NAA15: variants seen among roughly 807,000 people sequenced by gnomAD.
The protein encoded by NAA15 is N-terminal acetyltransferase.
NAA15 carries 34 observed loss-of-function variants against 114.0 expected under a neutral mutation model. That is an observed-to-expected ratio of 0.30 (90% CI 0.23 to 0.40). The LOEUF is 0.40. NAA15 is among the 10% of genes least tolerant of loss of function. NAA15 has a pLI of 1.00. For missense variants in NAA15, 658 were observed against 1,004.5 expected (o/e 0.66, Z 4.66); for synonymous variants, 340 against 338.0 (o/e 1.01, Z -0.06).
chr4:139,363,041 GGTCACATACTGAA>G (rs1748178320), intron 14 of NAA15, among the ~76,000 whole-genome samples: 1 of 152,116 alleles, frequency 6.6e-6, no homozygotes, highest in Admixed American at 6.5e-5. Flanking sequence ...AAATTTCTAA[GGTCACATACTGAA>G]GCCTTTGTAC....
Position 139,318,219 on chromosome 4 carries a change from T to C in NAA15, c.55-15955T>C, listed in dbSNP as rs537926790. ...CTTTTTTATTCTGAGACTGAGTATT[T>C]ATTACCTTTATAATATTAAGATGCT... On this transcript the variant is annotated intron_variant, in intron 1 of 19. Coordinates refer to ENST00000296543, the MANE Select transcript of NAA15 (RefSeq NM_057175.5). 6.2e-4 allele frequency among the ~76,000 whole-genome samples: 95 copies of C among 152,330 alleles called. 1 individual carries two copies. Among genetic ancestry groups the C allele is most frequent in the Non-Finnish European group, 1.2e-3 (80 of 68,022 alleles).
chr4:139,379,959 C>A (rs139839262), intron 17 of NAA15, among the ~76,000 whole-genome samples: 1 of 152,124 alleles, frequency 6.6e-6, no homozygotes, highest in Non-Finnish European at 1.5e-5. Context: ...GCAGGAGAAT[C>A]GCTTGAACTT....
intron 1 of NAA15, among the ~76,000 whole-genome samples, chr4:139,323,366 G>A (rs1579092487): frequency 6.6e-6 from 1 of 152,056 alleles, no homozygotes; most frequent in Admixed American, 6.5e-5. Context: ...GCTAATTTTT[G>A]TATTTTTAGT....
At chr4:139,330,087 C>CCAT (rs1746951971) in intron 1 of NAA15, among the ~76,000 whole-genome samples, 1 of 152,176 alleles carries the variant, frequency 6.6e-6, no homozygotes, top group Admixed American at 6.5e-5. Flanking sequence ...TTCACCTACT[C>CCAT]CATCATGCCA....
At chr4:139,338,367 C>T (rs1046468788) in intron 3 of NAA15, among the ~76,000 whole-genome samples, 2 of 152,096 alleles carry the variant, frequency 1.3e-5, no homozygotes, top group African/African-American at 2.4e-5. Context: ...AATATTTTGA[C>T]TTGCTTTAAA....
intron 1 of NAA15, among the ~76,000 whole-genome samples, chr4:139,312,270 A>T (rs1746249038): frequency 6.6e-6 from 1 of 151,980 alleles, no homozygotes; most frequent in Admixed American, 6.6e-5. Flanking sequence ...GCTTAAATTC[A>T]GTAATAGTTC....
intron 1 of NAA15, among the ~76,000 whole-genome samples, chr4:139,310,161 A>G (rs895051714): frequency 6.6e-6 from 1 of 152,194 alleles, no homozygotes; most frequent in African/African-American, 2.4e-5. Context: ...TTTCTTCATA[A>G]AAACATTTTT....
In NAA15 at chr4:139,301,646, A is replaced by G; in HGVS notation, c.-132A>G. ...TGTCCGGGTAGGGCAACGCGGCGAC[A>G]CCCGAGGCCTGGTGGTGGCGGCGGA... On this transcript the variant is annotated 5_prime_UTR_variant, in exon 1 of 20. Transcript: ENST00000296543. 6 of 1,043,690 alleles carry G rather than the reference A, an allele frequency of 5.7e-6. No homozygotes were observed. Among genetic ancestry groups the G allele is most frequent in the Non-Finnish European group, 8.3e-6 (6 of 720,914 alleles). The allele number at this position is 1,043,690 out of a possible 1,614,324, so 64.7% of individuals were successfully genotyped here. A position where few individuals can be genotyped will look rare whatever the true frequency, so the allele number is the denominator to read the frequency against.
chr4:139,304,426 C>T (rs770452115), intron 1 of NAA15, among the ~76,000 whole-genome samples: 8 of 152,328 alleles, frequency 5.3e-5, no homozygotes, highest in East Asian at 1.9e-4. Flanking sequence ...TGAGTGCTCG[C>T]GCACGCGGGT....
At chr4:139,370,553 A>C in intron 15 of NAA15, 149 bp downstream of exon 15, 1 of 677,394 alleles carries the variant, frequency 1.5e-6, no homozygotes, top group South Asian at 5.8e-5. Context: ...TCTTTCTTTA[A>C]TATTTTGTTT....
chr4:139,379,110 C>A (rs1748669954), intron 17 of NAA15: 2 of 282,860 alleles, frequency 7.1e-6, no homozygotes, highest in Non-Finnish European at 1.3e-5. Flanking sequence ...TAAAAAGTTA[C>A]ATGTAAGTTG....
At chr4:139,372,397 A>G (rs758497808) in intron 15 of NAA15, among the ~76,000 whole-genome samples, 60 of 152,202 alleles carry the variant, frequency 3.9e-4, no homozygotes, top group Non-Finnish European at 6.8e-4. Flanking sequence ...ATTTGTAGCC[A>G]TGATTGTAGA....
intron 1 of NAA15, among the ~76,000 whole-genome samples, chr4:139,327,389 A>C (rs922570221): frequency 6.6e-5 from 10 of 152,202 alleles, no homozygotes; most frequent in Non-Finnish European, 1.5e-4. Flanking sequence ...AGCTGGGACT[A>C]CAGGCGTGCG....
At chr4:139,339,923 G>T (rs531844181) in intron 3 of NAA15, among the ~76,000 whole-genome samples, 7 of 152,296 alleles carry the variant, frequency 4.6e-5, no homozygotes, top group African/African-American at 1.7e-4. Flanking sequence ...CTCCTTGATA[G>T]CAGTTTTTAC....
At chr4:139,369,827 A>G (rs1240626225) in intron 14 of NAA15, among the ~76,000 whole-genome samples, 3 of 151,698 alleles carry the variant, frequency 2.0e-5, no homozygotes, top group African/African-American at 2.4e-5. Flanking sequence ...TTTTTGAGAC[A>G]GAGTTTCGCT....
At position 139,384,828 on chromosome 4, in the gene NAA15, TCAG is replaced by T; in HGVS notation, c.2156_2158del. 1 of 1,408,832 alleles carries T rather than the reference TCAG, an allele frequency of 7.1e-7. No homozygotes were observed. Among genetic ancestry groups the T allele is most frequent in the Non-Finnish European group, 9.4e-7 (1 of 1,059,948 alleles). The allele number at this position is 1,408,832 out of a possible 1,614,324, so 87.3% of individuals were successfully genotyped here. ...TGCTAAGATTTTATTTTTAATTTAT[TCAG>T]CAGTGTGTGAAAGTAAAGATTTATC... On this transcript the variant is annotated splice_acceptor_variant and splice_polypyrimidine_tract_variant and intron_variant, in intron 17 of 19. Transcript: ENST00000296543. LOFTEE classifies it high-confidence loss of function.
At chr4:139,331,532 C>T (rs1746998974) in intron 1 of NAA15, among the ~76,000 whole-genome samples, 1 of 151,556 alleles carries the variant, frequency 6.6e-6, no homozygotes, top group Admixed American at 6.6e-5. Flanking sequence ...CTGCAGCCTC[C>T]GCCTCCCAGC....
intron 15 of NAA15, among the ~76,000 whole-genome samples, chr4:139,371,701 G>A (rs1748444740): frequency 6.6e-6 from 1 of 152,030 alleles, no homozygotes; most frequent in African/African-American, 2.4e-5. Context: ...ATGGACCTTT[G>A]AGGCCTCAGA....
chr4:139,305,385 A>G (rs969058644), intron 1 of NAA15, among the ~76,000 whole-genome samples: 4 of 151,892 alleles, frequency 2.6e-5, no homozygotes, highest in Non-Finnish European at 4.4e-5. Context: ...GATAGTATTG[A>G]TTTTTTGAAA....
Sources: allele counts gnomAD v4.1 joint callset (sites outside exome capture counted in the v4.1 genomes callset), GRCh38; gene constraint gnomAD v4.1.1; transcripts MANE v1.5; gene names NCBI Gene and HGNC (gene_info 2026-07-23, HGNC 2026-07-21).